Variants in CDC42BPB observed in about 807,000 individuals in gnomAD.
CDC42BPB encodes CDC42 binding protein kinase beta.
In CDC42BPB, 37 loss-of-function variants were observed where a neutral mutation model predicts 214.9. That is an observed-to-expected ratio of 0.17 (90% CI 0.13 to 0.23). The LOEUF (loss-of-function observed/expected upper bound fraction) is 0.23. CDC42BPB is among the 10% of genes least tolerant of loss of function. The pLI, the probability that CDC42BPB is intolerant of heterozygous loss-of-function variation, is 1.00. For missense variants in CDC42BPB, 1,694 were observed against 2,227.0 expected, an observed-to-expected ratio of 0.76 and a Z score of 4.82; for synonymous variants, 931 against 884.0, an observed-to-expected ratio of 1.05 and a Z score of -0.94.
In CDC42BPB at chr14:102,944,703, G is replaced by A. The variant is rs1366175202; in HGVS notation, c.3812-216C>T. The A allele has an allele frequency of 3.6e-5, 35 of 981,790 alleles. No homozygotes were observed. The South Asian group carries it at 5.2e-4, about 15-fold the overall frequency. 60.8% of individuals were successfully genotyped at this position (981,790 alleles called of 1,614,324 possible). On this transcript the variant is annotated intron_variant, in intron 29 of 36. Coordinates refer to ENST00000361246, the MANE Select transcript of CDC42BPB (RefSeq NM_006035.4). This position sits in a 1 kb window ranked among gnomAD's most constrained non-coding sequence, Gnocchi z 6.6. The stretch of plus-strand genomic sequence containing the variant: ...AGAAGCTGCCCCACATCCACAGCGC[G>A]CTCCTGGGGCAGCCTCGGGGGCTGG...
rs758593025 is a variant in CDC42BPB, at chr14:102,974,184, T to A, written c.1508-35A>T. ...AGAGGAAATAAACTCTGTTCCTTTA[T>A]GTGCAATGACTATATGTAAACTTTA... is the stretch of plus-strand genomic sequence containing the variant. On this transcript the variant is annotated intron_variant, in intron 11 of 36. Coordinates refer to ENST00000361246, the MANE Select transcript of CDC42BPB (RefSeq NM_006035.4). 6.8e-6 allele frequency: 11 copies of A among 1,609,864 alleles called. No homozygotes were observed. In the Admixed American group the frequency reaches 6.9e-5, roughly 10 times the overall value.
chr14:102,965,174 C>G (rs573565065), intron 18 of CDC42BPB, among the ~76,000 whole-genome samples: 2 of 152,078 alleles, frequency 1.3e-5, no homozygotes, highest in South Asian at 2.1e-4. Flanking sequence ...TCTCGTGATC[C>G]ACCCCCCTTG....
chr14:102,954,268 G>T lies in CDC42BPB; in HGVS notation c.2996C>A (p.Ala999Asp). 1 of 1,529,060 alleles carries T rather than the reference G, an allele frequency of 6.5e-7. No individual in the cohort carries two copies. Among genetic ancestry groups the T allele is most frequent in the South Asian group, 1.3e-5 (1 of 79,942 alleles). 94.7% of individuals were successfully genotyped at this position (1,529,060 alleles called of 1,614,324 possible). A position where few individuals can be genotyped will look rare whatever the true frequency, so the allele number is the denominator to read the frequency against. Residue 999 changes from alanine to aspartate, a missense_variant, in exon 23 of 37, where the codon GCT becomes GAT. Around this residue, in one of 7 missense-constraint regions of CDC42BPB, gnomAD observed 156 missense variants for 154.5 expected, o/e 1.01. Coordinates refer to ENST00000361246, the MANE Select transcript of CDC42BPB (RefSeq NM_006035.4). Reference sequence around the variant, plus strand: ...AGCGGATGGCCTCTGCGGGGGCCGAGCCATGTCCTGGGAGACAAGCAGGAC... The same window carrying T: ...AGCGGATGGCCTCTGCGGGGGCCGATCCATGTCCTGGGAGACAAGCAGGAC... Reference protein sequence around the residue: ...VAASEQQEDMARPPQRPSAVP... With the variant: ...VAASEQQEDMDRPPQRPSAVP...
At chr14:102,970,287 T>C (rs780857319) in intron 13 of CDC42BPB, 26 bp from the exon 14 acceptor site, 4 of 1,594,520 alleles carry the variant, frequency 2.5e-6, no homozygotes, top group Non-Finnish European at 2.6e-6. Context: ...CCAGTTTCTA[T>C]TAACAAAAAG....
In CDC42BPB at chr14:102,946,871, GC is replaced by G. The variant is rs529288898; in HGVS notation, c.3532-188del. 3.1e-3 allele frequency: 3,091 copies of G among 985,448 alleles called. 11 individuals carry two copies. The highest frequency in any genetic ancestry group is 3.6e-3 in the Non-Finnish European group (2,972 of 829,928). The allele number at this position is 985,448 out of a possible 1,614,324, so 61.0% of individuals were successfully genotyped here. On this transcript the variant is annotated intron_variant, in intron 27 of 36. Transcript: ENST00000361246. ...GCTCCCGCGGCAGGACACGGAAGGGGCGGGGTTCTAAACAGCCCCGTGAGAT... is the reference window on the plus strand; with the variant it reads ...GCTCCCGCGGCAGGACACGGAAGGGGGGGGTTCTAAACAGCCCCGTGAGAT...
chr14:103,050,651 G>GGAGGCT (rs1453586404), intron 1 of CDC42BPB, among the ~76,000 whole-genome samples: 1 of 152,150 alleles, frequency 6.6e-6, no homozygotes, highest in Non-Finnish European at 1.5e-5. Context: ...CAGCTATTCA[G>GGAGGCT]GAGGCTGAGG....
chr14:102,933,728 G>A lies in CDC42BPB; in HGVS notation c.5120C>T (p.Pro1707Leu), dbSNP rs765510912. Residue 1707 changes from proline to leucine, a missense_variant, in exon 37 of 37, where the codon CCG becomes CTG. Pro to Leu is a moderately conservative substitution (Grantham distance 98). Around this residue, in one of 7 missense-constraint regions of CDC42BPB, gnomAD observed 146 missense variants for 134.1 expected, o/e 1.09. Coordinates refer to ENST00000361246, the MANE Select transcript of CDC42BPB (RefSeq NM_006035.4). Reference protein sequence around the residue: ...SQLPLEGLEQPACDT With the variant: ...SQLPLEGLEQLACDT ...CTGGCGGCTTCAGGTGTCACAGGCC[G>A]GCTGCTCCAGGCCTTCGAGGGGGAG... 28 of 1,479,530 alleles carry A rather than the reference G, an allele frequency of 1.9e-5. No homozygotes were observed. Among genetic ancestry groups the A allele is most frequent in the African/African-American group, 1.8e-4 (12 of 67,714 alleles). The allele number at this position is 1,479,530 out of a possible 1,614,324, so 91.7% of individuals were successfully genotyped here. A position where few individuals can be genotyped will look rare whatever the true frequency, so the allele number is the denominator to read the frequency against.
chr14:103,020,710 T>C (rs34364547), intron 1 of CDC42BPB, among the ~76,000 whole-genome samples: 1 of 152,198 alleles, frequency 6.6e-6, no homozygotes, highest in Admixed American at 6.5e-5. Context: ...GTCAGCGCCT[T>C]GGCCCGCACG....
intron 5 of CDC42BPB, among the ~76,000 whole-genome samples, chr14:102,992,064 A>AG (rs1479598790): frequency 6.6e-6 from 1 of 152,172 alleles, no homozygotes; most frequent in Non-Finnish European, 1.5e-5. Context: ...GTGCACATCT[A>AG]GAACATTCTG....
At chr14:102,988,713 G>C (rs1378691766) in intron 5 of CDC42BPB, among the ~76,000 whole-genome samples, 1 of 152,068 alleles carries the variant, frequency 6.6e-6, no homozygotes, top group East Asian at 1.9e-4. Flanking sequence ...TTGGTGTTGT[G>C]ACAACTGGAG....
chr14:102,974,957 A>C (rs551280983), intron 11 of CDC42BPB, among the ~76,000 whole-genome samples: 1 of 152,254 alleles, frequency 6.6e-6, no homozygotes, highest in South Asian at 2.1e-4. Context: ...AAAAACAAAA[A>C]AACAAAAAAA....
chr14:102,945,872 C>T (rs1267869951), intron 28 of CDC42BPB, 148 bp from the exon 29 acceptor site: 8 of 674,512 alleles, frequency 1.2e-5, no homozygotes, highest in African/African-American at 1.8e-5. Context: ...ACTTCAGTAT[C>T]GGGGGTGACT....
At chr14:102,947,841 C>T (rs781195574) in intron 26 of CDC42BPB, 39 bp from the exon 27 acceptor site, 94 of 1,610,346 alleles carry the variant, frequency 5.8e-5, no homozygotes, top group Non-Finnish European at 7.5e-5. Flanking sequence ...GGGAGACACG[C>T]GCACAGGACC....
intron 21 of CDC42BPB, among the ~76,000 whole-genome samples, chr14:102,956,803 T>C (rs1892725473): frequency 6.6e-6 from 1 of 152,076 alleles, no homozygotes; most frequent in African/African-American, 2.4e-5. Context: ...CACTCCAGCC[T>C]GGGCAGCAGA....
intron 7 of CDC42BPB, 65 bp downstream of exon 7, chr14:102,983,491 T>A: frequency 6.3e-7 from 1 of 1,589,142 alleles, no homozygotes; most frequent in Admixed American, 1.7e-5. Context: ...CCTGCACTAG[T>A]TGTGCTCTCT....
chr14:102,997,486 G>C (rs1370230386), intron 5 of CDC42BPB, among the ~76,000 whole-genome samples: 1 of 152,162 alleles, frequency 6.6e-6, no homozygotes, highest in Non-Finnish European at 1.5e-5. Flanking sequence ...AAGGGAGAGG[G>C]GATCTCTGCA....
chr14:102,946,826 T>C, intron 27 of CDC42BPB, 142 bp from the exon 28 acceptor site: 2 of 1,450,058 alleles, frequency 1.4e-6, no homozygotes, highest in South Asian at 2.9e-5. Context: ...TGACTCCACC[T>C]CGCTGGGCGC....
chr14:102,950,738 G>A, intron 24 of CDC42BPB, 136 bp from the exon 25 acceptor site: 1 of 1,345,762 alleles, frequency 7.4e-7, no homozygotes, highest in South Asian at 1.8e-5. Context: ...GGCCGAGGTG[G>A]GCAGACCACT....
At chr14:102,973,354 T>C (rs1893571786) in intron 12 of CDC42BPB, among the ~76,000 whole-genome samples, 2 of 152,228 alleles carry the variant, frequency 1.3e-5, no homozygotes, top group Non-Finnish European at 2.9e-5. Flanking sequence ...ATAACATGTA[T>C]CAATGAATGT....
Sources: allele counts gnomAD v4.1 joint callset (sites outside exome capture counted in the v4.1 genomes callset), GRCh38; gene constraint gnomAD v4.1.1; regional missense constraint gnomAD v4.1.1; non-coding constraint Gnocchi (gnomAD v3.1); transcripts MANE v1.5; gene names NCBI Gene and HGNC (gene_info 2026-07-23, HGNC 2026-07-21).